PCED1B: variants seen among roughly 807,000 people sequenced by gnomAD.
PCED1B encodes the protein PC-esterase domain-containing protein 1B.
For synonymous variants in PCED1B, 251 were observed against 246.1 expected (o/e 1.02, Z -0.19); for missense variants, 573 against 573.9 (o/e 1.00, Z 0.02).
At chr12:47,184,196 T>C (rs832729) in intron 2 of PCED1B, among the ~76,000 whole-genome samples, 91,678 of 152,028 alleles carry the variant, frequency 0.6, 28,559 homozygotes, top group East Asian at 0.84. Flanking sequence ...AATGTATAAA[T>C]TAGTAAATGA....
intron 2 of PCED1B, among the ~76,000 whole-genome samples, chr12:47,130,093 A>G (rs949509917): frequency 3.9e-5 from 6 of 152,174 alleles, no homozygotes; most frequent in African/African-American, 1.4e-4. Flanking sequence ...TGAAGTTAAC[A>G]TGCTACTGTT....
chr12:47,083,498 A>G (rs1016556956), intron 1 of PCED1B, among the ~76,000 whole-genome samples: 7 of 152,102 alleles, frequency 4.6e-5, no homozygotes, highest in Non-Finnish European at 1.0e-4. Context: ...CACAAGAAAA[A>G]CATACCTTTG....
chr12:47,128,270 A>G (rs551613930), intron 2 of PCED1B, among the ~76,000 whole-genome samples: 2 of 152,294 alleles, frequency 1.3e-5, no homozygotes, highest in East Asian at 3.9e-4. Context: ...GATTCCTCAA[A>G]TAAAATTTTA....
chr12:47,091,159 G>T (rs1938248855), intron 1 of PCED1B, among the ~76,000 whole-genome samples: 1 of 152,000 alleles, frequency 6.6e-6, no homozygotes, highest in African/African-American at 2.4e-5. Flanking sequence ...CCCACAAGTG[G>T]TATATGATAA....
intron 2 of PCED1B, among the ~76,000 whole-genome samples, chr12:47,211,413 A>C (rs1385671708): frequency 6.6e-6 from 1 of 151,892 alleles, no homozygotes; most frequent in Non-Finnish European, 1.5e-5. Flanking sequence ...GCACTTTGGG[A>C]GGCTGAGGCA....
intron 2 of PCED1B, among the ~76,000 whole-genome samples, chr12:47,180,817 G>C (rs1942069689): frequency 6.6e-6 from 1 of 152,096 alleles, no homozygotes; most frequent in Non-Finnish European, 1.5e-5. Context: ...CATTCATGCA[G>C]CCAACAAACA....
intron 1 of PCED1B, among the ~76,000 whole-genome samples, chr12:47,099,262 T>C (rs1459437127): frequency 1.3e-5 from 2 of 152,238 alleles, no homozygotes; most frequent in Non-Finnish European, 2.9e-5. Context: ...GGGCATCAGT[T>C]GTAATCTATT....
chr12:47,097,812 C>G (rs1938542361), intron 1 of PCED1B, among the ~76,000 whole-genome samples: 1 of 152,226 alleles, frequency 6.6e-6, no homozygotes, highest in Non-Finnish European at 1.5e-5. Flanking sequence ...GTCCCCAGCA[C>G]TGTCTCCTCA....
At chr12:47,130,059 G>GT (rs1367249699) in intron 2 of PCED1B, among the ~76,000 whole-genome samples, 2 of 152,050 alleles carry the variant, frequency 1.3e-5, no homozygotes, top group Non-Finnish European at 2.9e-5. Flanking sequence ...TCATATATGG[G>GT]TTTTTTAAAA....
At chr12:47,110,553 C>G (rs1293901206) in intron 2 of PCED1B, among the ~76,000 whole-genome samples, 1 of 152,148 alleles carries the variant, frequency 6.6e-6, no homozygotes, top group Non-Finnish European at 1.5e-5. Flanking sequence ...GGAGACATTA[C>G]TGGGGAGACA....
chr12:47,214,956 G>A (rs1170314500), intron 2 of PCED1B, among the ~76,000 whole-genome samples: 3 of 151,872 alleles, frequency 2.0e-5, no homozygotes, highest in Non-Finnish European at 2.9e-5. Context: ...GCGCAATCTC[G>A]GCTTGCTGCA....
At chr12:47,162,007 G>A (rs902297994) in intron 2 of PCED1B, among the ~76,000 whole-genome samples, 8 of 151,484 alleles carry the variant, frequency 5.3e-5, no homozygotes, top group African/African-American at 1.7e-4. Flanking sequence ...GCAAACTATT[G>A]CAAGGACAGA....
intron 2 of PCED1B, chr12:47,138,072 A>C (rs909075101): frequency 2.6e-5 from 4 of 152,220 alleles, no homozygotes; most frequent in African/African-American, 9.7e-5. Flanking sequence ...TCTTAAAAAA[A>C]TTTTCTTAAA....
chr12:47,091,503 C>T (rs973378676), intron 1 of PCED1B, among the ~76,000 whole-genome samples: 1 of 152,014 alleles, frequency 6.6e-6, no homozygotes, highest in African/African-American at 2.4e-5. Context: ...TTGTGGGTTG[C>T]CTTTTCACTC....
chr12:47,212,543 G>A (rs1254146799), intron 2 of PCED1B, among the ~76,000 whole-genome samples: 1 of 152,084 alleles, frequency 6.6e-6, no homozygotes, highest in Non-Finnish European at 1.5e-5. Context: ...CAATCTCCCC[G>A]AGCTTCAACT....
At chr12:47,167,740 T>C (rs1376489716) in intron 2 of PCED1B, among the ~76,000 whole-genome samples, 1 of 152,184 alleles carries the variant, frequency 6.6e-6, no homozygotes, top group Admixed American at 6.5e-5. Flanking sequence ...CATTTTGAGT[T>C]GGTATTCTGT....
At chr12:47,133,925 G>A (rs1940237069) in intron 2 of PCED1B, among the ~76,000 whole-genome samples, 1 of 152,170 alleles carries the variant, frequency 6.6e-6, no homozygotes, top group Non-Finnish European at 1.5e-5. Context: ...CTCTCTTTCT[G>A]CCATGTGAGG....
intron 2 of PCED1B, among the ~76,000 whole-genome samples, chr12:47,186,004 G>A (rs1241835261): frequency 6.6e-6 from 1 of 151,958 alleles, no homozygotes; most frequent in East Asian, 1.9e-4. Flanking sequence ...CGGATCACGA[G>A]GTCAAGAGTT....
chr12:47,222,268 A>AAAAATTAGC (rs1416072765), intron 3 of PCED1B, among the ~76,000 whole-genome samples: 1 of 151,750 alleles, frequency 6.6e-6, no homozygotes, highest in African/African-American at 2.4e-5. Flanking sequence ...AAAAATACAA[A>AAAAATTAGC]AAAATTAGCC....
Sources: allele counts gnomAD v4.1 joint callset (sites outside exome capture counted in the v4.1 genomes callset), GRCh38; gene constraint gnomAD v4.1.1; transcripts MANE v1.5; gene names NCBI Gene and HGNC (gene_info 2026-07-23, HGNC 2026-07-21).